Variants in CDH4 observed in about 807,000 individuals in gnomAD.
The protein encoded by CDH4 is cadherin-4.
CDH4 carries 33 observed loss-of-function variants against 86.0 expected under a neutral mutation model. The observed-to-expected ratio is 0.38, with a 90% CI of 0.29 to 0.51. The LOEUF (loss-of-function observed/expected upper bound fraction) is 0.51, where lower values mean the gene tolerates loss of function less well. CDH4 is among the 20% of genes least tolerant of loss of function. The pLI, the probability that CDH4 is intolerant of heterozygous loss-of-function variation, is 0.86. For synonymous variants in CDH4, 555 were observed against 549.4 expected (o/e 1.01, Z -0.14); for missense variants, 1,114 against 1,307.4 (o/e 0.85, Z 2.28).
chr20:61,534,652 TCTTTC>T (rs2085981130), intron 2 of CDH4, among the ~76,000 whole-genome samples: 1 of 115,526 alleles, frequency 8.7e-6, no homozygotes, highest in African/African-American at 4.0e-5. Flanking sequence ...TTCTTTCTTT[TCTTTC>T]TTTCTTTCTT....
chr20:61,705,342 G>A (rs1419054103), intron 2 of CDH4, among the ~76,000 whole-genome samples: 5 of 152,226 alleles, frequency 3.3e-5, no homozygotes, highest in Non-Finnish European at 7.3e-5. Context: ...TACAACAGCC[G>A]ATCTGGGGGA....
At chr20:61,886,232 C>T (rs1340831072) in intron 7 of CDH4, among the ~76,000 whole-genome samples, 1 of 152,222 alleles carries the variant, frequency 6.6e-6, no homozygotes, top group Non-Finnish European at 1.5e-5. Context: ...GTGGCTCCTG[C>T]CAGGGTGCCT....
At chr20:61,804,516 G>T (rs897721556) in intron 4 of CDH4, among the ~76,000 whole-genome samples, 3 of 152,194 alleles carry the variant, frequency 2.0e-5, no homozygotes, top group Non-Finnish European at 1.5e-5. Flanking sequence ...GAGCCACACC[G>T]AAAGCACTCA....
rs146508088 is a variant in CDH4 at position 61,518,199 on chromosome 20, G to A, written c.170-225364G>A. 1.9e-3 allele frequency among the ~76,000 whole-genome samples: 284 copies of A among 152,178 alleles called. No individual in the cohort carries two copies. The highest frequency in any genetic ancestry group is 5.3e-3 in the African/African-American group (221 of 41,500). ...TTTATTCTGCCATCATCCCTTTATC[G>A]AACACCACCAGTTCCTAGGACGAGG... is the stretch of plus-strand genomic sequence containing the variant. On this transcript the variant is annotated intron_variant, in intron 2 of 15. Transcript: ENST00000614565. The surrounding 1 kb of genome is among the most constrained non-coding windows in gnomAD (Gnocchi z 6.3).
At chr20:61,627,697 G>GC (rs201869860) in intron 2 of CDH4, among the ~76,000 whole-genome samples, 3,423 of 151,476 alleles carry the variant, frequency 0.023, 102 homozygotes, top group African/African-American at 0.078. Flanking sequence ...AGTGCCTCCC[G>GC]CCCCCCGACT....
chr20:61,928,956 G>T (rs2055075762), intron 12 of CDH4, among the ~76,000 whole-genome samples: 1 of 151,984 alleles, frequency 6.6e-6, no homozygotes, highest in Non-Finnish European at 1.5e-5. Flanking sequence ...ATTTCCATTT[G>T]TATATCCTGA....
chr20:61,638,350 G>A (rs2086970517), intron 2 of CDH4, among the ~76,000 whole-genome samples: 1 of 152,198 alleles, frequency 6.6e-6, no homozygotes. Flanking sequence ...TGGCTTTCTA[G>A]GGAGAGTGTG....
chr20:61,492,154 ATGT>A (rs148689706), intron 2 of CDH4, among the ~76,000 whole-genome samples: 4,920 of 146,690 alleles, frequency 0.034, 130 homozygotes, highest in Non-Finnish European at 0.05. Context: ...GATATTGCTG[ATGT>A]TGTTGGTGTC....
At chr20:61,870,342 G>A (rs924780863) in intron 6 of CDH4, among the ~76,000 whole-genome samples, 1 of 152,220 alleles carries the variant, frequency 6.6e-6, no homozygotes, top group Non-Finnish European at 1.5e-5. Context: ...ATGGCGGTAG[G>A]GGCTGGGGCA....
chr20:61,892,724 CTATT>C (rs1984876977), intron 7 of CDH4, among the ~76,000 whole-genome samples: 1 of 152,110 alleles, frequency 6.6e-6, no homozygotes. Flanking sequence ...CCATTTATTT[CTATT>C]TATTTAGCTC....
chr20:61,499,730 CTG>C (rs1039669261), intron 2 of CDH4, among the ~76,000 whole-genome samples: 1 of 152,182 alleles, frequency 6.6e-6, no homozygotes, highest in African/African-American at 2.4e-5. Flanking sequence ...CTCCTCACCT[CTG>C]TGCTGAGCAG....
At chr20:61,450,602 C>T (rs1169653466) in intron 2 of CDH4, among the ~76,000 whole-genome samples, 1 of 152,022 alleles carries the variant, frequency 6.6e-6, no homozygotes. Context: ...GTTTGAGGTT[C>T]TATCTATGTC....
intron 2 of CDH4, among the ~76,000 whole-genome samples, chr20:61,296,262 CGTGTGTGTGTGTGCGTGGGTGCGT>C (rs1259922464): frequency 2.2e-5 from 1 of 44,500 alleles, no homozygotes; most frequent in Non-Finnish European, 6.8e-5. Context: ...TGCATGTGTG[CGTGTGTGTGTGTGCGTGGGTGCGT>C]GTGTGTGTGT....
chr20:61,534,648 C>CTTTCTTTGTTTTTTTTTTTTTT (rs1568881693), intron 2 of CDH4, among the ~76,000 whole-genome samples: 1 of 108,384 alleles, frequency 9.2e-6, no homozygotes, highest in African/African-American at 5.3e-5. Flanking sequence ...TTCTTTCTTT[C>CTTTCTTTGTTTTTTTTTTTTTT]TTTTCTTTCT....
chr20:61,487,905 A>C (rs558361012), intron 2 of CDH4, among the ~76,000 whole-genome samples: 4 of 152,322 alleles, frequency 2.6e-5, no homozygotes, highest in African/African-American at 7.2e-5. Context: ...GAAAAAATAC[A>C]AACTGAGGTC....
intron 6 of CDH4, among the ~76,000 whole-genome samples, chr20:61,869,765 G>A (rs532952610): frequency 9.9e-4 from 151 of 152,298 alleles, no homozygotes; most frequent in Admixed American, 3.1e-3. Flanking sequence ...CCCTTCCGCC[G>A]AGGGACTGCT....
intron 2 of CDH4, among the ~76,000 whole-genome samples, chr20:61,280,798 C>G (rs1350838427): frequency 2.0e-5 from 3 of 152,172 alleles, no homozygotes; most frequent in African/African-American, 7.2e-5. Context: ...AGCGGCCTCC[C>G]TGGTGGGGGG....
At chr20:61,839,466 CTG>C (rs1982039852) in intron 4 of CDH4, among the ~76,000 whole-genome samples, 1 of 146,982 alleles carries the variant, frequency 6.8e-6, no homozygotes, top group Non-Finnish European at 1.5e-5. Flanking sequence ...TGTGTGTGCA[CTG>C]TGCATGTGTA....
At chr20:61,590,054 C>A (rs2145730557) in intron 2 of CDH4, among the ~76,000 whole-genome samples, 1 of 151,712 alleles carries the variant, frequency 6.6e-6, no homozygotes, top group East Asian at 2.0e-4. Context: ...TCGGTGGGCT[C>A]CCCGGACAGA....
Sources: gnomAD v4.1 joint callset for allele counts (sites outside exome capture counted in the v4.1 genomes callset) on GRCh38, gnomAD v4.1.1 for gene constraint, Gnocchi (gnomAD v3.1) non-coding constraint, MANE v1.5 for transcripts, NCBI Gene and HGNC (gene_info 2026-07-23, HGNC 2026-07-21) for gene names.